The following SLC8B1 variants were observed in gnomAD, a reference collection of about 807,000 sequenced individuals.
SLC8B1 encodes the protein solute carrier family 8 member B1, also known as mitochondrial sodium/calcium exchanger protein.
SLC8B1 carries 52 observed loss-of-function variants against 63.4 expected under a neutral mutation model. The observed-to-expected ratio is 0.82, with a 90% CI of 0.66 to 1.03. SLC8B1 has a LOEUF of 1.03. Among genes scored for constraint, SLC8B1 ranks in the 50% least tolerant of loss-of-function variants. SLC8B1 has a pLI of 0.00. For synonymous variants in SLC8B1, 336 were observed against 323.9 expected (o/e 1.04, Z -0.40); for missense variants, 657 against 741.7 (o/e 0.89, Z 1.33).
intron 14 of SLC8B1, 66 bp downstream of exon 14, chr12:113,306,429 A>T: frequency 2.2e-6 from 3 of 1,334,296 alleles, no homozygotes; most frequent in South Asian, 3.1e-5. Context: ...AGGGTGGGGC[A>T]TGGAGCACAC....
In SLC8B1 at chr12:113,321,328, C is replaced by G. The variant is rs1395628697; in HGVS notation, c.177G>C (p.Leu59=). The change falls in exon 3 of 16, where the codon CTG becomes CTC. Residue 59 remains leucine (L), a synonymous_variant. Coordinates refer to ENST00000680972, the MANE Select transcript of SLC8B1 (RefSeq NM_001358345.2). The part of the protein sequence containing the change: ...PVVDCRKVCG[L]NVSDRCDFIR... ...TGAAGTCACAGCGGTCAGAGACATT[C>G]AGGCCACACACCTTGCGGCACTGCA... 6.2e-7 allele frequency: 1 copy of G among 1,614,138 alleles called. No homozygotes were observed. Among genetic ancestry groups the G allele is most frequent in the Non-Finnish European group, 8.5e-7 (1 of 1,180,028 alleles).
intron 1 of SLC8B1, among the ~76,000 whole-genome samples, 181 bp from the exon 2 acceptor site, chr12:113,333,141 C>A (rs560164100): frequency 1.3e-5 from 2 of 152,360 alleles, no homozygotes; most frequent in South Asian, 2.1e-4. Context: ...GCCCATTCAG[C>A]GTGCAGATCA....
chr12:113,315,624 C>G (rs1956825329), intron 10 of SLC8B1, 148 bp from the exon 11 acceptor site: 2 of 932,528 alleles, frequency 2.1e-6, no homozygotes, highest in Admixed American at 3.0e-5. Context: ...CTGGTTGCCT[C>G]TGGCTACTGG....
In SLC8B1 at chr12:113,302,672, G is replaced by C. The variant is rs762746561; in HGVS notation, c.1557+1649C>G. ...CTGTTTCTAGGCACCGTGGCGTTTC[G>C]TCTTCCCAGCCACCTGCATCCTCCT... On this transcript the variant is annotated intron_variant, in intron 15 of 15. Transcript: ENST00000680972. 621 of 456,080 alleles carry C rather than the reference G, an allele frequency of 1.4e-3. 7 individuals are homozygous for C. The highest frequency in any genetic ancestry group is 2.9e-4 in the Non-Finnish European group (66 of 226,790). The allele number at this position is 456,080 out of a possible 1,614,324, so 28.3% of individuals were successfully genotyped here.
chr12:113,332,845 G>C lies in SLC8B1; in HGVS notation c.34C>G (p.Leu12Val). The change falls in exon 2 of 16, where the codon CTG (leucine) becomes GTG (valine). Residue 12 changes from leucine to valine, a missense_variant. Physicochemically the swap from Leu to Val is conservative, Grantham distance 32. Coordinates refer to ENST00000680972, the MANE Select transcript of SLC8B1 (RefSeq NM_001358345.2). ...ATTAGCAGCACACAAAGCACACTCA[G>C]TGCCCAGCGCAGATTCAGCCTTCTG... The part of the protein sequence containing the change: ...AGRRLNLRWA[L>V]SVLCVLLMAE... 7 of 1,614,162 alleles carry C rather than the reference G, an allele frequency of 4.3e-6. No homozygotes were observed. The highest frequency in any genetic ancestry group is 5.9e-6 in the Non-Finnish European group (7 of 1,180,022).
At chr12:113,311,690 A>G (rs916374271) in intron 11 of SLC8B1, among the ~76,000 whole-genome samples, 8 of 136,188 alleles carry the variant, frequency 5.9e-5, no homozygotes, top group Non-Finnish European at 1.5e-5. Context: ...AGTGATTGTC[A>G]AGGGGGATTT....
rs780388694 is a variant in SLC8B1 at position 113,299,755 on chromosome 12, C to T, written c.*22G>A. 6.2e-7 allele frequency: 1 copy of T among 1,611,096 alleles called. No individual in the cohort carries two copies. The highest frequency in any genetic ancestry group is 1.1e-5 in the South Asian group (1 of 90,924). ...GGCGGGGCTCCTGCCTGCAGTGAGG[C>T]CACAGCACTAAGCGGCTTCAGTCAC... On this transcript the variant is annotated 3_prime_UTR_variant, in exon 16 of 16. Coordinates refer to ENST00000680972, the MANE Select transcript of SLC8B1 (RefSeq NM_001358345.2).
intron 2 of SLC8B1, among the ~76,000 whole-genome samples, chr12:113,328,178 C>T (rs886197742): frequency 3.3e-5 from 5 of 152,062 alleles, no homozygotes; most frequent in South Asian, 2.1e-4. Context: ...ACCACAGGTG[C>T]GCATCACACG....
rs1593248980 is a variant in SLC8B1, at chr12:113,316,410, T to G, written c.993+116A>C. On this transcript the variant is annotated intron_variant, in intron 10 of 15. Transcript: ENST00000680972. Reference sequence around the variant, plus strand: ...CCCCATCAAATCACAAGTCATGTATTCTGAGAGGGTCTCAGTGGACCCCAG... The same window carrying G: ...CCCCATCAAATCACAAGTCATGTATGCTGAGAGGGTCTCAGTGGACCCCAG... 3.8e-6 allele frequency: 5 copies of G among 1,325,186 alleles called. No homozygotes were observed. In the South Asian group the frequency reaches 5.7e-5, roughly 15 times the overall value. The allele number at this position is 1,325,186 out of a possible 1,614,324, so 82.1% of individuals were successfully genotyped here. A position where few individuals can be genotyped will look rare whatever the true frequency, so the allele number is the denominator to read the frequency against.
intron 7 of SLC8B1, chr12:113,319,964 T>C (rs532499290): frequency 4.7e-5 from 9 of 191,734 alleles, no homozygotes; most frequent in Non-Finnish European, 6.5e-5. Context: ...AGCTAAGTTT[T>C]TTCTTTTTTG....
At chr12:113,328,989 G>C (rs1421221575) in intron 2 of SLC8B1, among the ~76,000 whole-genome samples, 1 of 152,020 alleles carries the variant, frequency 6.6e-6, no homozygotes, top group African/African-American at 2.4e-5. Flanking sequence ...GGCCTGAAGT[G>C]ATCCACCTGC....
chr12:113,307,609 A>G (rs984241002), intron 13 of SLC8B1, 82 bp downstream of exon 13: 68 of 1,526,882 alleles, frequency 4.5e-5, no homozygotes, highest in Admixed American at 3.9e-4. Context: ...ACTCCTGCCC[A>G]GATGCGACTC....
chr12:113,316,629 T>C lies in SLC8B1; in HGVS notation c.890A>G (p.Tyr297Cys). 2 of 1,613,998 alleles carry C rather than the reference T, an allele frequency of 1.2e-6. No homozygotes were observed. The highest frequency in any genetic ancestry group is 1.7e-6 in the Non-Finnish European group (2 of 1,180,018). Residue 297 changes from tyrosine to cysteine, a missense_variant, in exon 10 of 16, where the codon TAC (tyrosine) becomes TGC (cysteine). Tyr to Cys is a radical substitution (Grantham distance 194). Coordinates refer to ENST00000680972, the MANE Select transcript of SLC8B1 (RefSeq NM_001358345.2). ...CAGGATCTGAGCCGTGGTCTCCTGG[T>C]AGAAGAACAGCGGCCGGTACTCATC... ...YGDEYRPLFF[Y>C]QETTAQILVR...
At chr12:113,310,451 C>T in intron 11 of SLC8B1, 96 bp from the exon 12 acceptor site, 1 of 1,499,434 alleles carries the variant, frequency 6.7e-7, no homozygotes, top group Non-Finnish European at 8.9e-7. Context: ...TTCCTATCTG[C>T]CCAGCCCTGT....
At position 113,334,775 on chromosome 12, in the gene SLC8B1, G is replaced by A. The variant is rs1406987688; in HGVS notation, c.-415C>T. The A allele has an allele frequency of 6.6e-6, 1 of 152,254 alleles. No homozygotes were observed. The highest frequency in any genetic ancestry group is 1.5e-5 in the Non-Finnish European group (1 of 68,052). 9.4% of individuals were successfully genotyped at this position (152,254 alleles called of 1,614,324 possible). ...ATTTATTTTACTGATTCACTAGTGA[G>A]CATTTATTGAGCGCCTTCTGTACGC... On this transcript the variant is annotated 5_prime_UTR_variant, in exon 1 of 16. Transcript: ENST00000680972.
chr12:113,306,780 ACT>A (rs1956681467), intron 13 of SLC8B1: 1 of 550,128 alleles, frequency 1.8e-6, no homozygotes, highest in African/African-American at 1.9e-5. Flanking sequence ...CCTTTACCCC[ACT>A]CTTTCACACC....
intron 10 of SLC8B1, 141 bp downstream of exon 10, chr12:113,316,385 C>A: frequency 1.7e-6 from 2 of 1,154,450 alleles, no homozygotes; most frequent in Non-Finnish European, 2.4e-6. Flanking sequence ...GCCTCAGTTT[C>A]CCCATCAAAT....
intron 2 of SLC8B1, among the ~76,000 whole-genome samples, chr12:113,328,212 T>G (rs1957018819): frequency 6.6e-6 from 1 of 152,032 alleles, no homozygotes; most frequent in African/African-American, 2.4e-5. Context: ...AATTTTTTGT[T>G]GAGAAGGGGT....
chr12:113,316,963 T>C lies in SLC8B1; in HGVS notation c.841A>G (p.Asn281Asp). ...SDSEEDRVSS[N>D]TNSYDYGDEY... is the part of the protein sequence containing the mutation. ...TCACCGTAGTCATAGCTGTTGGTAT[T>C]AGAAGATACCCGGTCCTCCTCGGAG... Residue 281 changes from asparagine (N) to aspartate (D), a missense_variant, in exon 9 of 16, where the codon AAT (asparagine) becomes GAT (aspartate). Physicochemically the swap from Asn to Asp is conservative, Grantham distance 23. Coordinates refer to ENST00000680972, the MANE Select transcript of SLC8B1 (RefSeq NM_001358345.2). 6.2e-7 allele frequency: 1 copy of C among 1,613,652 alleles called. No individual in the cohort carries two copies. Among genetic ancestry groups the C allele is most frequent in the South Asian group, 1.1e-5 (1 of 90,882 alleles).
Sources: allele counts gnomAD v4.1 joint callset (sites outside exome capture counted in the v4.1 genomes callset), GRCh38; gene constraint gnomAD v4.1.1; transcripts MANE v1.5; gene names NCBI Gene and HGNC (gene_info 2026-07-23, HGNC 2026-07-21).